OTUD4: variants seen among roughly 807,000 people sequenced by gnomAD.
OTUD4 encodes OTU deubiquitinase 4.
In OTUD4, 24 loss-of-function variants were observed where a neutral mutation model predicts 130.4. The observed-to-expected ratio is 0.18, with a 90% CI of 0.13 to 0.26. OTUD4 has a LOEUF of 0.26. Among genes scored for constraint, OTUD4 ranks in the 10% least tolerant of loss-of-function variants. OTUD4 has a pLI of 1.00. For synonymous variants in OTUD4, 420 were observed against 472.5 expected, an observed-to-expected ratio of 0.89 and a Z score of 1.44; for missense variants, 1,031 against 1,329.4, an observed-to-expected ratio of 0.78 and a Z score of 3.49.
At chr4:145,179,501 T>C in intron 1 of OTUD4, 2 of 690,318 alleles carry the variant, frequency 2.9e-6, no homozygotes, top group South Asian at 7.4e-5. Context: ...GTAAAAAATA[T>C]CATGTCGCCA....
intron 6 of OTUD4, among the ~76,000 whole-genome samples, chr4:145,162,036 A>G (rs1481328406): frequency 6.6e-6 from 1 of 152,126 alleles, no homozygotes; most frequent in Non-Finnish European, 1.5e-5. Flanking sequence ...GTAGTGGCAC[A>G]ATAATAGCTC....
chr4:145,141,207 A>G (rs555645054), intron 19 of OTUD4, among the ~76,000 whole-genome samples, 172 bp downstream of exon 19: 1 of 152,226 alleles, frequency 6.6e-6, no homozygotes, highest in Admixed American at 6.5e-5. Flanking sequence ...ACATTTTCTA[A>G]TAAATCAAGC....
chr4:145,179,788 A>G (rs1225204519), intron 1 of OTUD4, 27 bp downstream of exon 1: 6 of 391,434 alleles, frequency 1.5e-5, no homozygotes, highest in South Asian at 2.8e-5. Flanking sequence ...CCTCCCCTCG[A>G]AGCCCTCCCC....
chr4:145,137,746 T>C lies in OTUD4; in HGVS notation c.3029A>G (p.Asn1010Ser). Residue 1010 changes from asparagine to serine, a missense_variant, in exon 21 of 21, where the codon AAC becomes AGC. By Grantham distance (46) the Asn-to-Ser change is conservative. This residue lies in a region of OTUD4 where 900 missense variants were observed against 1,095.9 expected (regional missense o/e 0.82). Transcript: ENST00000447906. Reference sequence around the variant, plus strand: ...TCTTTGCACTCTGCTATCAACAGAGTTGGCCCCAGGGCTGACCACATCAGC... The same window carrying C: ...TCTTTGCACTCTGCTATCAACAGAGCTGGCCCCAGGGCTGACCACATCAGC... ...TAADVVSPGA[N>S]SVDSRVQRPK... 5 of 1,614,066 alleles carry C rather than the reference T, an allele frequency of 3.1e-6. No homozygotes were observed. The South Asian group carries it at 4.4e-5, about 14-fold the overall frequency.
intron 10 of OTUD4, among the ~76,000 whole-genome samples, chr4:145,154,761 A>G (rs1751206464): frequency 6.8e-6 from 1 of 147,610 alleles, no homozygotes; most frequent in South Asian, 2.1e-4. Flanking sequence ...TTTGGCCTCT[A>G]CCCACTAGAT....
intron 3 of OTUD4, among the ~76,000 whole-genome samples, chr4:145,168,304 C>T (rs897989076): frequency 2.0e-5 from 3 of 150,736 alleles, no homozygotes; most frequent in East Asian, 3.9e-4. Context: ...CACTTGAACT[C>T]GGGAGGCAGA....
intron 7 of OTUD4, among the ~76,000 whole-genome samples, chr4:145,158,507 A>T (rs182328107): frequency 6.6e-6 from 1 of 151,730 alleles, no homozygotes; most frequent in South Asian, 2.1e-4. Context: ...CAAAACAAAA[A>T]AAAACAAAAA....
In OTUD4 at chr4:145,135,509, A is replaced by T. The variant is rs898409987; in HGVS notation, c.*1921T>A. The T allele has an allele frequency of 6.6e-6, 1 of 152,242 alleles. No individual in the cohort carries two copies. Among genetic ancestry groups the T allele is most frequent in the Admixed American group, 6.5e-5 (1 of 15,278 alleles). The allele number at this position is 152,242 out of a possible 1,614,324, so 9.4% of individuals were successfully genotyped here. ...AATCAGGTAAGCTAGTCCTACATAA[A>T]AAAGCATGAGCTGAAAGTGGAGGAC... On this transcript the variant is annotated 3_prime_UTR_variant, in exon 21 of 21. Coordinates refer to ENST00000447906, the MANE Select transcript of OTUD4 (RefSeq NM_001366057.1).
intron 10 of OTUD4, among the ~76,000 whole-genome samples, chr4:145,153,051 T>C (rs1253769784): frequency 1.3e-5 from 2 of 151,410 alleles, no homozygotes; most frequent in East Asian, 3.9e-4. Context: ...ATTTAGTCTT[T>C]AATTAAACAG....
intron 3 of OTUD4, among the ~76,000 whole-genome samples, chr4:145,170,444 T>C (rs1322063640): frequency 1.3e-5 from 2 of 152,240 alleles, no homozygotes; most frequent in Admixed American, 1.3e-4. Context: ...GCATTTCCTA[T>C]TTAGAATCCA....
chr4:145,134,638 T>G lies in OTUD4; in HGVS notation c.*2792A>C, dbSNP rs1295193551. On this transcript the variant is annotated 3_prime_UTR_variant, in exon 21 of 21. Transcript: ENST00000447906. ...ATGCTTGCCAGGACAAGGCAGGGTC[T>G]GAGCTTAGGTCTGCCATGAAAATGA... 13 of 398,468 alleles carry G rather than the reference T, an allele frequency of 3.3e-5. No individual in the cohort carries two copies. The Admixed American group carries it at 3.5e-4, about 11-fold the overall frequency. 24.7% of individuals were successfully genotyped at this position (398,468 alleles called of 1,614,324 possible).
intron 1 of OTUD4, among the ~76,000 whole-genome samples, chr4:145,177,221 A>G (rs1411223680): frequency 6.6e-6 from 1 of 152,250 alleles, no homozygotes; most frequent in Non-Finnish European, 1.5e-5. Flanking sequence ...AGCTAGTCTT[A>G]AAGCCATTTA....
intron 10 of OTUD4, among the ~76,000 whole-genome samples, chr4:145,153,596 C>T (rs374174632): frequency 5.3e-5 from 8 of 152,170 alleles, no homozygotes; most frequent in Non-Finnish European, 8.8e-5. Flanking sequence ...AAAAATAGAT[C>T]CATTAACTGT....
chr4:145,179,748 T>G, intron 1 of OTUD4, 67 bp downstream of exon 1: 2 of 1,398,058 alleles, frequency 1.4e-6, no homozygotes, highest in Non-Finnish European at 1.9e-6. Context: ...CGCAGCTGCC[T>G]CCCCACCCAG....
At chr4:145,140,643 ATAGT>A (rs1750513989) in intron 19 of OTUD4, among the ~76,000 whole-genome samples, 1 of 152,180 alleles carries the variant, frequency 6.6e-6, no homozygotes, top group Admixed American at 6.5e-5. Flanking sequence ...CATACTAAAT[ATAGT>A]ACTTTAACAG....
At position 145,141,488 on chromosome 4, in the gene OTUD4, C is replaced by T; in HGVS notation, c.1974G>A (p.Leu658=). 6.2e-7 allele frequency: 1 copy of T among 1,613,484 alleles called. No homozygotes were observed. Among genetic ancestry groups the T allele is most frequent in the Non-Finnish European group, 8.5e-7 (1 of 1,179,560 alleles). ...NQPLMPLPQT[L]SLYQDPLYPG... is the part of the protein sequence containing the mutation. The stretch of plus-strand genomic sequence containing the variant: ...GATAGAGTGGGTCTTGATAAAGGCT[C>T]AATGTCTGAGGCAAAGGCATCAAGG... Residue 658 remains leucine, a synonymous_variant, in exon 19 of 21, where the codon TTG becomes TTA. Transcript: ENST00000447906.
chr4:145,152,981 C>A (rs769761871), intron 10 of OTUD4, among the ~76,000 whole-genome samples: 42 of 152,010 alleles, frequency 2.8e-4, no homozygotes, highest in Middle Eastern at 3.4e-3. Context: ...GTGATCCACC[C>A]GCCTAGGCCT....
At chr4:145,150,989 A>G (rs1022833266) in intron 11 of OTUD4, 84 bp from the exon 12 acceptor site, 26 of 765,128 alleles carry the variant, frequency 3.4e-5, no homozygotes, top group Non-Finnish European at 3.7e-5. Flanking sequence ...TTCAGCTTAT[A>G]TAAGAATTTC....
chr4:145,139,622 T>G (rs1242653296), intron 20 of OTUD4, among the ~76,000 whole-genome samples: 1 of 152,164 alleles, frequency 6.6e-6, no homozygotes, highest in Admixed American at 6.5e-5. Flanking sequence ...GAAATTCAGC[T>G]AAAGAGTGAT....
Sources: allele counts gnomAD v4.1 joint callset (sites outside exome capture counted in the v4.1 genomes callset), GRCh38; gene constraint gnomAD v4.1.1; regional missense constraint gnomAD v4.1.1; transcripts MANE v1.5; gene names NCBI Gene and HGNC (gene_info 2026-07-23, HGNC 2026-07-21).